KIAA1549: variants seen among roughly 807,000 people sequenced by gnomAD.
KIAA1549 encodes KIAA1549.
A neutral mutation model predicts 156.4 loss-of-function variants in KIAA1549; 70 were observed. The observed-to-expected ratio is 0.45, with a 90% confidence interval of 0.37 to 0.55. The LOEUF (loss-of-function observed/expected upper bound fraction) is 0.55. KIAA1549 is among the 20% of genes least tolerant of loss of function. KIAA1549 has a pLI of 0.00. For synonymous variants in KIAA1549, 1,103 were observed against 1,066.4 expected, an observed-to-expected ratio of 1.03 and a Z score of -0.67; for missense variants, 2,428 against 2,540.9, an observed-to-expected ratio of 0.96 and a Z score of 0.96.
At chr7:138,859,133 T>C (rs1196206223) in intron 16 of KIAA1549, among the ~76,000 whole-genome samples, 2 of 152,116 alleles carry the variant, frequency 1.3e-5, no homozygotes. Flanking sequence ...CAGTGTTCAG[T>C]TTCAGGTGGG....
chr7:138,841,892 T>TAA (rs201550744), intron 18 of KIAA1549, among the ~76,000 whole-genome samples: 72,330 of 141,388 alleles, frequency 0.51, 18,218 homozygotes, highest in East Asian at 0.81. Context: ...CAACCACATT[T>TAA]AAAAAAAAAA....
intron 10 of KIAA1549, among the ~76,000 whole-genome samples, chr7:138,889,407 C>G (rs766842273): frequency 2.0e-5 from 3 of 152,198 alleles, no homozygotes; most frequent in Non-Finnish European, 1.5e-5. Flanking sequence ...ATGCTGACAG[C>G]ATTATTATTA....
At chr7:138,859,666 A>C (rs995006509) in intron 16 of KIAA1549, among the ~76,000 whole-genome samples, 1 of 152,116 alleles carries the variant, frequency 6.6e-6, no homozygotes, top group Non-Finnish European at 1.5e-5. Context: ...CCATGACTAG[A>C]AACTCCAGAT....
Position 138,871,369 on chromosome 7 carries a change from C to A in KIAA1549, c.4346-7G>T. 1 of 1,507,238 alleles carries A rather than the reference C, an allele frequency of 6.6e-7. No homozygotes were observed. The highest frequency in any genetic ancestry group is 8.9e-7 in the Non-Finnish European group (1 of 1,129,796). 93.4% of individuals were successfully genotyped at this position (1,507,238 alleles called of 1,614,324 possible). A position where few individuals can be genotyped will look rare whatever the true frequency, so the allele number is the denominator to read the frequency against. On this transcript the variant is annotated splice_polypyrimidine_tract_variant and splice_region_variant and intron_variant, in intron 12 of 19. Coordinates refer to ENST00000422774, the MANE Select transcript of KIAA1549 (RefSeq NM_001164665.2). ...GAACTGGGCAGTGGTGGCCCTGGAACAGAAGGAAAAGCAAAACACATACAC... is the reference window on the plus strand; with the variant it reads ...GAACTGGGCAGTGGTGGCCCTGGAAAAGAAGGAAAAGCAAAACACATACAC...
chr7:138,960,801 C>T (rs1813822299), intron 1 of KIAA1549, among the ~76,000 whole-genome samples: 2 of 152,106 alleles, frequency 1.3e-5, no homozygotes, highest in Non-Finnish European at 2.9e-5. Flanking sequence ...TTTCTAATGC[C>T]CTGTAGGACT....
Position 138,905,475 on chromosome 7 carries a change from G to A in KIAA1549, c.3461-394C>T, listed in dbSNP as rs1288591242. The stretch of plus-strand genomic sequence containing the variant: ...CCAGGACCAGCCAGTGTGCCCCGCC[G>A]TCCGGCATCCTCATTTTAGCCATAC... On this transcript the variant is annotated intron_variant, in intron 6 of 19. Coordinates refer to ENST00000422774, the MANE Select transcript of KIAA1549 (RefSeq NM_001164665.2). Among the ~76,000 whole-genome samples, 4 of 152,322 alleles carry A rather than the reference G, an allele frequency of 2.6e-5. No individual in the cohort carries two copies. The East Asian group carries it at 5.8e-4, about 22-fold the overall frequency.
intron 14 of KIAA1549, among the ~76,000 whole-genome samples, chr7:138,868,758 G>A (rs1810829766): frequency 6.6e-6 from 1 of 152,200 alleles, no homozygotes. Context: ...AAGAGTGAAT[G>A]GGACCTGAAG....
intron 10 of KIAA1549, among the ~76,000 whole-genome samples, chr7:138,889,630 G>A (rs1006651360): frequency 6.6e-6 from 1 of 152,102 alleles, no homozygotes; most frequent in Non-Finnish European, 1.5e-5. Context: ...CCAAGAAAAC[G>A]GCACGTGTCA....
In KIAA1549 at chr7:138,918,705, G is replaced by A; in HGVS notation, c.921C>T (p.Val307=). 1 of 1,613,814 alleles carries A rather than the reference G, an allele frequency of 6.2e-7. No individual in the cohort carries two copies. The highest frequency in any genetic ancestry group is 8.5e-7 in the Non-Finnish European group (1 of 1,179,884). ...CCCAAACCTCCTCTGGAGGCTGTGAGACCTCCCCCAAGGAGGGCAACGGTA... is the reference window on the plus strand; with the variant it reads ...CCCAAACCTCCTCTGGAGGCTGTGAAACCTCCCCCAAGGAGGGCAACGGTA... ...ITIPLPSLGE[V]SQPPEEVWAT... Residue 307 remains valine, a synonymous_variant, in exon 2 of 20, where the codon GTC becomes GTT. Coordinates refer to ENST00000422774, the MANE Select transcript of KIAA1549 (RefSeq NM_001164665.2). This position sits in a 1 kb window ranked among gnomAD's most constrained non-coding sequence, Gnocchi z 4.2.
intron 1 of KIAA1549, among the ~76,000 whole-genome samples, chr7:138,939,487 T>C (rs1020714237): frequency 6.6e-6 from 1 of 152,230 alleles, no homozygotes; most frequent in Non-Finnish European, 1.5e-5. Flanking sequence ...CTGTAGACAG[T>C]CCACATTCTA....
intron 1 of KIAA1549, among the ~76,000 whole-genome samples, chr7:138,960,183 C>T (rs905310832): frequency 6.6e-6 from 1 of 152,074 alleles, no homozygotes; most frequent in African/African-American, 2.4e-5. Flanking sequence ...CACCTGTCAT[C>T]CCAGCACTTT....
At chr7:138,866,862 G>A (rs976367161) in intron 15 of KIAA1549, among the ~76,000 whole-genome samples, 5 of 152,158 alleles carry the variant, frequency 3.3e-5, no homozygotes, top group Admixed American at 2.0e-4. Context: ...GAGTGCAGTG[G>A]TGCGATCAAA....
chr7:138,961,447 G>A (rs1813844203), intron 1 of KIAA1549, among the ~76,000 whole-genome samples: 2 of 151,900 alleles, frequency 1.3e-5, no homozygotes, highest in Non-Finnish European at 2.9e-5. Context: ...CCCATGATGC[G>A]CTTTCCCTAC....
chr7:138,858,072 T>C (rs1288207620), intron 16 of KIAA1549, among the ~76,000 whole-genome samples: 1 of 152,200 alleles, frequency 6.6e-6, no homozygotes, highest in Admixed American at 6.5e-5. Context: ...TTTTGGTATC[T>C]GTTTCTAATT....
chr7:138,861,893 T>C (rs997404357), intron 15 of KIAA1549, among the ~76,000 whole-genome samples: 4 of 151,610 alleles, frequency 2.6e-5, no homozygotes, highest in African/African-American at 9.7e-5. Context: ...AAATGACAGC[T>C]GAGGAATGTG....
At chr7:138,846,529 A>G (rs1414390116) in intron 17 of KIAA1549, among the ~76,000 whole-genome samples, 3 of 103,736 alleles carry the variant, frequency 2.9e-5, no homozygotes, top group African/African-American at 4.1e-5. Context: ...GCAAGACTCC[A>G]TCTCAAAAAA....
intron 1 of KIAA1549, among the ~76,000 whole-genome samples, chr7:138,974,746 A>G (rs1292467016): frequency 4.0e-5 from 6 of 151,306 alleles, no homozygotes; most frequent in Non-Finnish European, 8.8e-5. Context: ...TTTTACAACC[A>G]GTCAAATGCT....
chr7:138,869,361 T>C (rs147820181), intron 14 of KIAA1549, among the ~76,000 whole-genome samples, 177 bp downstream of exon 14: 4 of 152,334 alleles, frequency 2.6e-5, no homozygotes, highest in African/African-American at 4.8e-5. Flanking sequence ...CCGAGTGGCC[T>C]CCACATCCTT....
chr7:138,858,701 C>T (rs1810464542), intron 16 of KIAA1549, among the ~76,000 whole-genome samples: 1 of 152,052 alleles, frequency 6.6e-6, no homozygotes, highest in African/African-American at 2.4e-5. Flanking sequence ...TATCCCTCTG[C>T]TCAGGCTGCC....
Sources: gnomAD v4.1 joint callset for allele counts (sites outside exome capture counted in the v4.1 genomes callset) on GRCh38, gnomAD v4.1.1 for gene constraint, Gnocchi (gnomAD v3.1) non-coding constraint, MANE v1.5 for transcripts, NCBI Gene and HGNC (gene_info 2026-07-23, HGNC 2026-07-21) for gene names.